FBXL17: variants seen among roughly 807,000 people sequenced by gnomAD.
FBXL17 encodes F-box/LRR-repeat protein 17.
In FBXL17, 22 loss-of-function variants were observed where a neutral mutation model predicts 66.2. That is an observed-to-expected ratio of 0.33 (90% confidence interval 0.24 to 0.47). The LOEUF is 0.47. FBXL17 is among the 20% of genes least tolerant of loss of function. The pLI is 1.00. For synonymous variants in FBXL17, 474 were observed against 400.5 expected, an observed-to-expected ratio of 1.18 and a Z score of -2.19; for missense variants, 878 against 948.2, an observed-to-expected ratio of 0.93 and a Z score of 0.97.
rs1749844302 is a variant in FBXL17, at chr5:108,381,004, C to G, written c.688G>C (p.Gly230Arg). 7 of 1,197,712 alleles carry G rather than the reference C, an allele frequency of 5.8e-6. No individual in the cohort carries two copies. The South Asian group carries it at 2.5e-4, about 43-fold the overall frequency. The allele number at this position is 1,197,712 out of a possible 1,614,324, so 74.2% of individuals were successfully genotyped here. A position where few individuals can be genotyped will look rare whatever the true frequency, so the allele number is the denominator to read the frequency against. Reference sequence around the variant, plus strand: ...GAAGCGCCTCCCCCCGCAGGCCCTCCCCCGCCACCGCCGCCGCCGCCGCCG... The same window carrying G: ...GAAGCGCCTCCCCCCGCAGGCCCTCGCCCGCCACCGCCGCCGCCGCCGCCG... ...CGGGGGGGGGGGPAGGGASPP... is the reference protein window; with the variant it reads ...CGGGGGGGGGRGPAGGGASPP... Residue 230 changes from glycine (G) to arginine (R), a missense_variant, in exon 1 of 9, where the codon GGA (glycine) becomes CGA (arginine). Transcript: ENST00000542267.
intron 6 of FBXL17, among the ~76,000 whole-genome samples, chr5:108,176,599 C>T (rs1167581490): frequency 6.6e-6 from 1 of 152,104 alleles, no homozygotes; most frequent in East Asian, 1.9e-4. Context: ...ACATCAAATT[C>T]AGTCCCATCT....
At chr5:108,104,848 T>C (rs1205540962) in intron 6 of FBXL17, among the ~76,000 whole-genome samples, 1 of 152,154 alleles carries the variant, frequency 6.6e-6, no homozygotes, top group Admixed American at 6.5e-5. Context: ...TTTGTTTTGT[T>C]TTGTTTTTTT....
rs932417596 is a variant in FBXL17 at position 108,367,799 on chromosome 5, A to T, written c.1116+32T>A. The T allele has an allele frequency of 5.9e-6, 9 of 1,533,724 alleles. No individual in the cohort carries two copies. In the Middle Eastern group the frequency reaches 5.1e-4, roughly 86 times the overall value. Reference sequence around the variant, plus strand: ...AATAAAGATATTTTTTGAGTAGGTCATATGAGTGTTACTTAGAATTGGATT... The same window carrying T: ...AATAAAGATATTTTTTGAGTAGGTCTTATGAGTGTTACTTAGAATTGGATT... On this transcript the variant is annotated intron_variant, in intron 2 of 8. Transcript: ENST00000542267.
chr5:108,004,172 C>G (rs1219897681), intron 7 of FBXL17, among the ~76,000 whole-genome samples: 1 of 152,062 alleles, frequency 6.6e-6, no homozygotes, highest in African/African-American at 2.4e-5. Context: ...AAAATACACA[C>G]AAAAAATTTA....
chr5:107,903,298 T>C (rs542318794), intron 7 of FBXL17, among the ~76,000 whole-genome samples: 3 of 152,324 alleles, frequency 2.0e-5, no homozygotes, highest in African/African-American at 7.2e-5. Flanking sequence ...TAATGAGGTA[T>C]ATTTATAGAG....
Position 108,348,385 on chromosome 5 carries a change from T to A in FBXL17, c.1506+14A>T. 1 of 1,607,100 alleles carries A rather than the reference T, an allele frequency of 6.2e-7. No individual in the cohort carries two copies. Among genetic ancestry groups the A allele is most frequent in the Non-Finnish European group, 8.5e-7 (1 of 1,174,638 alleles). On this transcript the variant is annotated intron_variant, in intron 4 of 8. Transcript: ENST00000542267. ...AACAAAATGAACAATACAAGGATGA[T>A]AACAAGTACTTACTAATTTGTTTTC... is the stretch of plus-strand genomic sequence containing the variant.
intron 4 of FBXL17, among the ~76,000 whole-genome samples, chr5:108,300,030 A>T (rs1758515456): frequency 6.6e-6 from 1 of 152,086 alleles, no homozygotes; most frequent in Non-Finnish European, 1.5e-5. Flanking sequence ...TTCAGTTTAT[A>T]AAATTTTAAA....
chr5:108,142,978 T>TATAATAATAATTATA (rs1554068845), intron 6 of FBXL17, among the ~76,000 whole-genome samples: 5 of 145,072 alleles, frequency 3.4e-5, no homozygotes, highest in Non-Finnish European at 6.0e-5. Flanking sequence ...GAACATAAAG[T>TATAATAATAATTATA]ATAATAATAA....
At chr5:108,322,535 A>G (rs1261492235) in intron 4 of FBXL17, among the ~76,000 whole-genome samples, 3 of 152,014 alleles carry the variant, frequency 2.0e-5, no homozygotes, top group African/African-American at 7.2e-5. Flanking sequence ...ATATTTTCAT[A>G]AACACTAATT....
At chr5:108,184,859 T>C (rs2150030725) in intron 6 of FBXL17, among the ~76,000 whole-genome samples, 1 of 152,212 alleles carries the variant, frequency 6.6e-6, no homozygotes, top group African/African-American at 2.4e-5. Flanking sequence ...AGGTTCTAAT[T>C]TTAGCTGAAA....
At chr5:108,221,657 G>A (rs2150073133) in intron 5 of FBXL17, among the ~76,000 whole-genome samples, 3 of 152,196 alleles carry the variant, frequency 2.0e-5, no homozygotes, top group Middle Eastern at 6.8e-3. Flanking sequence ...TATTTATTAT[G>A]TACTATGATG....
At chr5:108,329,424 A>G (rs141567820) in intron 4 of FBXL17, among the ~76,000 whole-genome samples, 14 of 152,282 alleles carry the variant, frequency 9.2e-5, no homozygotes, top group Non-Finnish European at 1.9e-4. Context: ...CCCTAGTATT[A>G]AGACCAGGGG....
At chr5:108,199,110 A>G (rs1218737920) in intron 5 of FBXL17, among the ~76,000 whole-genome samples, 1 of 152,168 alleles carries the variant, frequency 6.6e-6, no homozygotes, top group African/African-American at 2.4e-5. Context: ...AACAATATCT[A>G]GTATACATCT....
At chr5:108,075,123 T>C (rs886970986) in intron 6 of FBXL17, among the ~76,000 whole-genome samples, 3 of 152,212 alleles carry the variant, frequency 2.0e-5, no homozygotes, top group African/African-American at 7.2e-5. Context: ...GTTTACATTA[T>C]TAGGCCCTAA....
intron 7 of FBXL17, among the ~76,000 whole-genome samples, chr5:107,965,583 T>G (rs763629286): frequency 6.6e-6 from 1 of 152,182 alleles, no homozygotes; most frequent in Non-Finnish European, 1.5e-5. Flanking sequence ...CCTTTGAAAC[T>G]AGCACACAGT....
chr5:107,899,361 T>C (rs1261844185), intron 7 of FBXL17, among the ~76,000 whole-genome samples: 1 of 152,084 alleles, frequency 6.6e-6, no homozygotes, highest in Non-Finnish European at 1.5e-5. Context: ...ATCAAAGAGT[T>C]GTAAGGGCTG....
intron 7 of FBXL17, among the ~76,000 whole-genome samples, chr5:107,937,474 C>T (rs146164219): frequency 1.6e-4 from 24 of 152,196 alleles, no homozygotes; most frequent in Admixed American, 5.2e-4. Context: ...GCTTTCAAAA[C>T]GTACACACAG....
Position 107,927,176 on chromosome 5 carries a change from A to G in FBXL17, c.1823-45997T>C, listed in dbSNP as rs184983919. On this transcript the variant is annotated intron_variant, in intron 7 of 8. Coordinates refer to ENST00000542267, the MANE Select transcript of FBXL17 (RefSeq NM_001163315.3). ...TTTCTCTTAAATATTTAAAATGTTA[A>G]AGGTTAATCTATTTTGGTGAACTAG... Among the ~76,000 whole-genome samples the G allele has an allele frequency of 2.7e-3, 411 of 152,318 alleles. 2 individuals are homozygous for G. Among genetic ancestry groups the G allele is most frequent in the African/African-American group, 9.7e-3 (402 of 41,588 alleles).
chr5:108,362,408 T>C (rs1748400866), intron 3 of FBXL17, among the ~76,000 whole-genome samples: 1 of 152,152 alleles, frequency 6.6e-6, no homozygotes, highest in African/African-American at 2.4e-5. Context: ...TATTATCGTT[T>C]GTTTACTGGC....
Sources: allele counts gnomAD v4.1 joint callset (sites outside exome capture counted in the v4.1 genomes callset), GRCh38; gene constraint gnomAD v4.1.1; transcripts MANE v1.5; gene names NCBI Gene and HGNC (gene_info 2026-07-23, HGNC 2026-07-21).